Variants in RSRC1 observed in about 807,000 individuals in gnomAD.
RSRC1 encodes arginine and serine rich coiled-coil 1.
Under a neutral mutation model 49.1 loss-of-function variants are expected in RSRC1, and 39 were observed. That is an observed-to-expected ratio of 0.79 (90% confidence interval 0.61 to 1.04). The LOEUF (loss-of-function observed/expected upper bound fraction) is 1.04. Ranked by LOEUF, RSRC1 falls within the 50% of genes least tolerant of loss-of-function variation. The probability of loss-of-function intolerance (pLI) is 0.00; values close to 1 mark genes in which losing one functional copy is unlikely to be tolerated. For synonymous variants in RSRC1, 143 were observed against 130.8 expected (o/e 1.09, Z -0.63); for missense variants, 388 against 402.4 (o/e 0.96, Z 0.31).
intron 1 of RSRC1, among the ~76,000 whole-genome samples, chr3:158,114,009 C>T (rs1714613786): frequency 6.6e-6 from 1 of 152,084 alleles, no homozygotes; most frequent in East Asian, 1.9e-4. Flanking sequence ...AATTAGATCC[C>T]ATTTGTAATT....
chr3:158,231,321 A>T (rs1722937469), intron 4 of RSRC1, among the ~76,000 whole-genome samples: 1 of 151,754 alleles, frequency 6.6e-6, no homozygotes, highest in Non-Finnish European at 1.5e-5. Flanking sequence ...TTTTTAATAG[A>T]GATGGGGTTT....
At chr3:158,293,679 T>C (rs1727075376) in intron 4 of RSRC1, among the ~76,000 whole-genome samples, 1 of 152,128 alleles carries the variant, frequency 6.6e-6, no homozygotes, top group Non-Finnish European at 1.5e-5. Context: ...CTGCATTATA[T>C]TCTTCAAGAC....
chr3:158,504,202 T>C (rs1178564118), intron 7 of RSRC1, among the ~76,000 whole-genome samples: 1 of 152,206 alleles, frequency 6.6e-6, no homozygotes, highest in African/African-American at 2.4e-5. Context: ...ACTTCCACAG[T>C]TGGGGCACTC....
chr3:158,393,047 A>G (rs1015799010), intron 6 of RSRC1, among the ~76,000 whole-genome samples: 1 of 152,108 alleles, frequency 6.6e-6, no homozygotes, highest in African/African-American at 2.4e-5. Context: ...ATTACATGGA[A>G]ATTAAACAAC....
At chr3:158,243,271 A>G (rs184668926) in intron 4 of RSRC1, among the ~76,000 whole-genome samples, 49 of 152,284 alleles carry the variant, frequency 3.2e-4, no homozygotes, top group Admixed American at 1.7e-3. Flanking sequence ...GCATATGGCT[A>G]GCCAGTTCTC....
At chr3:158,311,732 G>T (rs942329437) in intron 5 of RSRC1, among the ~76,000 whole-genome samples, 1 of 151,810 alleles carries the variant, frequency 6.6e-6, no homozygotes, top group Non-Finnish European at 1.5e-5. Context: ...CACAAAAAAG[G>T]TAAATATATA....
intron 5 of RSRC1, among the ~76,000 whole-genome samples, chr3:158,337,863 C>T (rs889440063): frequency 3.9e-5 from 6 of 152,160 alleles, no homozygotes; most frequent in South Asian, 2.1e-4. Flanking sequence ...TAATAGCTAA[C>T]GCTTTACTGA....
intron 6 of RSRC1, among the ~76,000 whole-genome samples, chr3:158,376,160 C>G (rs1310998015): frequency 2.2e-5 from 3 of 133,910 alleles, no homozygotes; most frequent in Non-Finnish European, 4.8e-5. Context: ...TCCCTCCCTC[C>G]CTCCCTCCCT....
At chr3:158,151,269 G>A (rs992201796) in intron 3 of RSRC1, among the ~76,000 whole-genome samples, 59 of 152,166 alleles carry the variant, frequency 3.9e-4, no homozygotes, top group Admixed American at 4.6e-4. Context: ...GTGGATAATC[G>A]TGAAGCATGA....
At chr3:158,302,649 T>A (rs1375395829) in intron 5 of RSRC1, 2 of 116,130 alleles carry the variant, frequency 1.7e-5, no homozygotes, top group Admixed American at 9.5e-5. Flanking sequence ...TGACTCCATG[T>A]TTTTTTCTTT....
At chr3:158,409,429 A>T (rs180958548) in intron 6 of RSRC1, among the ~76,000 whole-genome samples, 173 of 152,220 alleles carry the variant, frequency 1.1e-3, no homozygotes, top group Non-Finnish European at 2.1e-3. Flanking sequence ...ATGTTTTGTT[A>T]TATTTGTTGT....
chr3:158,178,509 C>A (rs902894906), intron 3 of RSRC1, among the ~76,000 whole-genome samples: 4 of 152,138 alleles, frequency 2.6e-5, no homozygotes, highest in Non-Finnish European at 5.9e-5. Flanking sequence ...TTTTTAAATT[C>A]TTTTCGATAT....
At chr3:158,433,160 C>T (rs145747794) in intron 6 of RSRC1, among the ~76,000 whole-genome samples, 8 of 151,954 alleles carry the variant, frequency 5.3e-5, no homozygotes, top group African/African-American at 1.9e-4. Context: ...GCTGTGCTTG[C>T]TTACTATTAA....
intron 4 of RSRC1, among the ~76,000 whole-genome samples, chr3:158,272,032 A>G (rs1048759078): frequency 2.0e-5 from 3 of 152,126 alleles, no homozygotes; most frequent in African/African-American, 4.8e-5. Context: ...TCATATGCCA[A>G]TTTGTTGTTT....
chr3:158,309,867 G>T lies in RSRC1; in HGVS notation c.531+11792G>T, dbSNP rs1728035138. Among the ~76,000 whole-genome samples the T allele has an allele frequency of 2.0e-5, 3 of 151,680 alleles. No homozygotes were observed. In the South Asian group the frequency reaches 6.2e-4, roughly 32 times the overall value. On this transcript the variant is annotated intron_variant, in intron 5 of 9. Coordinates refer to ENST00000611884, the MANE Select transcript of RSRC1 (RefSeq NM_001271838.2). ...TCAGTTGTAGTCAGGTTACTATTAA[G>T]TTCATGTAGATTATATCTTTGGTAA...
At chr3:158,443,488 T>C (rs1473224606) in intron 6 of RSRC1, among the ~76,000 whole-genome samples, 2 of 152,190 alleles carry the variant, frequency 1.3e-5, no homozygotes, top group Admixed American at 6.6e-5. Flanking sequence ...CTTCAGCAGC[T>C]TCCTCACCTC....
intron 6 of RSRC1, among the ~76,000 whole-genome samples, chr3:158,430,122 GT>G (rs1391769116): frequency 6.6e-6 from 1 of 151,482 alleles, no homozygotes; most frequent in East Asian, 1.9e-4. Context: ...GGAAATTTCT[GT>G]TTCTTGCACT....
intron 5 of RSRC1, among the ~76,000 whole-genome samples, chr3:158,314,404 CT>C (rs11382163): frequency 0.22 from 31,891 of 145,460 alleles, 3,523 homozygotes; most frequent in South Asian, 0.32. Context: ...AAAAAAAATT[CT>C]TTTTTTTTTT....
chr3:158,544,155 A>C (rs530061419), intron 9 of RSRC1, 28 bp from the exon 10 acceptor site: 1 of 1,518,232 alleles, frequency 6.6e-7, no homozygotes, highest in South Asian at 1.1e-5. Context: ...AGACAGTAAC[A>C]TTTTTTCTTT....
Sources: allele counts gnomAD v4.1 joint callset (sites outside exome capture counted in the v4.1 genomes callset), GRCh38; gene constraint gnomAD v4.1.1; transcripts MANE v1.5; gene names NCBI Gene and HGNC (gene_info 2026-07-23, HGNC 2026-07-21).